The following CNTLN variants were observed in gnomAD, a reference collection of about 807,000 sequenced individuals.
CNTLN encodes the protein centlein, centrosomal protein.
In CNTLN, 212 loss-of-function variants were observed where a neutral mutation model predicts 180.0. The ratio of observed to expected loss-of-function variants is 1.18; its 90% confidence interval spans 1.05 to 1.32. CNTLN has a LOEUF of 1.32. Among genes scored for constraint, CNTLN ranks in the 40% most tolerant of loss-of-function variants. The probability of loss-of-function intolerance (pLI) is 0.00; values close to 1 mark genes in which losing one functional copy is unlikely to be tolerated. For missense variants in CNTLN, 2,095 were observed against 1,610.9 expected, an observed-to-expected ratio of 1.30 and a Z score of -5.14; for synonymous variants, 722 against 563.1, an observed-to-expected ratio of 1.28 and a Z score of -3.99.
In CNTLN at chr9:17,503,864, T is replaced by A. The variant is rs1833869715; in HGVS notation, c.*1212T>A. Reference sequence around the variant, plus strand: ...AAAAGGAGAATAATATTTTGTAGCATGTGAAAATTATATAAAATTCAAATT... The same window carrying A: ...AAAAGGAGAATAATATTTTGTAGCAAGTGAAAATTATATAAAATTCAAATT... On this transcript the variant is annotated 3_prime_UTR_variant, in exon 26 of 26. Transcript: ENST00000380647. 6.6e-6 allele frequency: 1 copy of A among 152,626 alleles called. No individual in the cohort carries two copies. Among genetic ancestry groups the A allele is most frequent in the Non-Finnish European group, 1.5e-5 (1 of 68,030 alleles). The allele number at this position is 152,626 out of a possible 1,614,324, so 9.5% of individuals were successfully genotyped here.
intron 2 of CNTLN, among the ~76,000 whole-genome samples, chr9:17,152,552 C>T (rs932602120): frequency 6.6e-6 from 1 of 152,156 alleles, no homozygotes; most frequent in Non-Finnish European, 1.5e-5. Context: ...TGTTCTTTTG[C>T]ATTTGCTGAG....
chr9:17,164,914 C>T (rs982983074), intron 2 of CNTLN, among the ~76,000 whole-genome samples: 8 of 148,926 alleles, frequency 5.4e-5, no homozygotes, highest in Non-Finnish European at 1.2e-4. Flanking sequence ...TGGCTCACTG[C>T]GACCTCTGCC....
intron 18 of CNTLN, among the ~76,000 whole-genome samples, chr9:17,451,818 T>A (rs1049187118): frequency 2.6e-5 from 4 of 152,208 alleles, no homozygotes; most frequent in African/African-American, 9.6e-5. Flanking sequence ...ATTTCCAAAT[T>A]TTTTAAATGG....
chr9:17,228,130 C>T (rs991496503), intron 3 of CNTLN, among the ~76,000 whole-genome samples: 1 of 152,102 alleles, frequency 6.6e-6, no homozygotes, highest in Admixed American at 6.6e-5. Context: ...CTTTAATATC[C>T]TTAGGCATTA....
chr9:17,267,153 G>T (rs1827528330), intron 5 of CNTLN, among the ~76,000 whole-genome samples: 1 of 151,984 alleles, frequency 6.6e-6, no homozygotes, highest in Admixed American at 6.6e-5. Context: ...TTACATTTTG[G>T]CATGTTTTTG....
intron 5 of CNTLN, among the ~76,000 whole-genome samples, chr9:17,243,548 C>T (rs1825621546): frequency 6.6e-6 from 1 of 152,050 alleles, no homozygotes; most frequent in Admixed American, 6.6e-5. Flanking sequence ...TTTCAGTTTT[C>T]TTCTTAATTT....
chr9:17,498,827 G>A (rs1833592140), intron 25 of CNTLN, among the ~76,000 whole-genome samples: 1 of 152,124 alleles, frequency 6.6e-6, no homozygotes, highest in Admixed American at 6.6e-5. Context: ...AGATGTATTT[G>A]ATAGGGTGCA....
intron 18 of CNTLN, among the ~76,000 whole-genome samples, chr9:17,426,686 A>G (rs571524231): frequency 2.6e-5 from 4 of 152,048 alleles, no homozygotes; most frequent in Non-Finnish European, 4.4e-5. Context: ...TATTCTTTCA[A>G]GTCACATGTT....
intron 2 of CNTLN, among the ~76,000 whole-genome samples, chr9:17,209,236 C>T (rs901340147): frequency 6.6e-6 from 1 of 152,134 alleles, no homozygotes; most frequent in Admixed American, 6.6e-5. Context: ...CAAAATTCCT[C>T]CTGTTACTGA....
chr9:17,340,070 T>C (rs1463442219), intron 10 of CNTLN, among the ~76,000 whole-genome samples: 1 of 152,090 alleles, frequency 6.6e-6, no homozygotes, highest in Non-Finnish European at 1.5e-5. Flanking sequence ...CATGGGAAGA[T>C]TGCCTGAGCC....
intron 7 of CNTLN, among the ~76,000 whole-genome samples, chr9:17,304,803 T>G (rs1286955014): frequency 6.6e-6 from 1 of 152,146 alleles, no homozygotes; most frequent in Non-Finnish European, 1.5e-5. Flanking sequence ...AGATTCCATC[T>G]CATTCTTATA....
At chr9:17,248,928 A>AT (rs1825961534) in intron 5 of CNTLN, among the ~76,000 whole-genome samples, 1 of 151,878 alleles carries the variant, frequency 6.6e-6, no homozygotes, top group African/African-American at 2.4e-5. Flanking sequence ...TTCTCATGTC[A>AT]TTTTGGATTT....
At chr9:17,302,090 A>G (rs1818399965) in intron 7 of CNTLN, 1 of 205,076 alleles carries the variant, frequency 4.9e-6, no homozygotes, top group Non-Finnish European at 6.2e-6. Flanking sequence ...ACATATGTGT[A>G]CACACACACA....
chr9:17,212,061 T>C (rs150332814), intron 2 of CNTLN, among the ~76,000 whole-genome samples: 1 of 151,586 alleles, frequency 6.6e-6, no homozygotes, highest in Admixed American at 6.6e-5. Flanking sequence ...TCTCCTGCCT[T>C]ATTGCCCTGG....
chr9:17,384,747 T>G (rs1397469160), intron 13 of CNTLN, among the ~76,000 whole-genome samples: 1 of 152,220 alleles, frequency 6.6e-6, no homozygotes, highest in South Asian at 2.1e-4. Context: ...GATTATTGCC[T>G]ATTTATCCCC....
At chr9:17,324,943 A>G (rs546618413) in intron 8 of CNTLN, among the ~76,000 whole-genome samples, 2 of 152,116 alleles carry the variant, frequency 1.3e-5, no homozygotes, top group South Asian at 2.1e-4. Context: ...TTTGTGAATT[A>G]CAAATGCTAC....
intron 6 of CNTLN, among the ~76,000 whole-genome samples, chr9:17,295,749 T>C (rs554918158): frequency 3.3e-5 from 5 of 152,244 alleles, no homozygotes; most frequent in African/African-American, 1.2e-4. Flanking sequence ...TTTTTGTATT[T>C]GCAACATTGG....
intron 2 of CNTLN, among the ~76,000 whole-genome samples, chr9:17,189,335 G>A (rs1307911874): frequency 6.6e-6 from 1 of 151,534 alleles, no homozygotes; most frequent in Non-Finnish European, 1.5e-5. Context: ...GCCCTCTTCA[G>A]CCTCCCAAAG....
rs1283795210 is a variant in CNTLN at position 17,273,868 on chromosome 9, C to G, written c.983+2C>G. The G allele has an allele frequency of 1.3e-6, 2 of 1,535,226 alleles. No homozygotes were observed. The highest frequency in any genetic ancestry group is 2.9e-5 in the African/African-American group (2 of 70,168). Reference sequence around the variant, plus strand: ...GGATATGGATATTACCCTGGTCAGGCAAGTATATTCAATTTTTAATTTAAC... The same window carrying G: ...GGATATGGATATTACCCTGGTCAGGGAAGTATATTCAATTTTTAATTTAAC... On this transcript the variant is annotated splice_donor_variant, in intron 6 of 25. Coordinates refer to ENST00000380647, the MANE Select transcript of CNTLN (RefSeq NM_017738.4). LOFTEE classifies it high-confidence loss of function.
Sources: allele counts gnomAD v4.1 joint callset (sites outside exome capture counted in the v4.1 genomes callset), GRCh38; gene constraint gnomAD v4.1.1; transcripts MANE v1.5; gene names NCBI Gene and HGNC (gene_info 2026-07-23, HGNC 2026-07-21).